The following PLSCR5 variants were observed in gnomAD, a reference collection of about 807,000 sequenced individuals.
The protein encoded by PLSCR5 is phospholipid scramblase family, member 5.
PLSCR5 carries 44 observed loss-of-function variants against 33.6 expected under a neutral mutation model. That is an observed-to-expected ratio of 1.31 (90% CI 1.03 to 1.69). PLSCR5 has a LOEUF of 1.69. PLSCR5 is among the 40% of genes most tolerant of loss of function. The pLI is 0.00. For synonymous variants in PLSCR5, 148 were observed against 112.3 expected (o/e 1.32, Z -2.01); for missense variants, 375 against 318.7 (o/e 1.18, Z -1.34).
At chr3:146,598,176 T>A (rs753357928) in intron 2 of PLSCR5, among the ~76,000 whole-genome samples, 12 of 152,190 alleles carry the variant, frequency 7.9e-5, no homozygotes, top group Non-Finnish European at 1.2e-4. Context: ...TTTAAATTTT[T>A]AAATTTAGAA....
intron 5 of PLSCR5, chr3:146,590,239 A>G (rs2044702653): frequency 6.6e-6 from 1 of 152,552 alleles, no homozygotes; most frequent in African/African-American, 2.4e-5. Context: ...AATATTTCAG[A>G]AGGAATTAAA....
At chr3:146,577,084 A>C (rs1156763129) in intron 7 of PLSCR5, among the ~76,000 whole-genome samples, 1 of 152,110 alleles carries the variant, frequency 6.6e-6, no homozygotes, top group Non-Finnish European at 1.5e-5. Flanking sequence ...ATATTTTTAA[A>C]AAATAGCTAT....
downstream of PLSCR5, among the ~76,000 whole-genome samples, chr3:146,581,566 A>G (rs774048370): frequency 6.6e-6 from 1 of 152,234 alleles, no homozygotes; most frequent in Non-Finnish European, 1.5e-5. Context: ...AGCCTAGTAC[A>G]TAGAAGTGGT....
In PLSCR5 at chr3:146,585,954, T is replaced by C; in HGVS notation, c.*45-12A>G. 1 of 1,089,642 alleles carries C rather than the reference T, an allele frequency of 9.2e-7. No individual in the cohort carries two copies. The highest frequency in any genetic ancestry group is 1.2e-6 in the Non-Finnish European group (1 of 806,672). 67.5% of individuals were successfully genotyped at this position (1,089,642 alleles called of 1,614,324 possible). ...AGCCCAAGGGATTTCTAGAAGAAAATGAAAAAGAGTTAGATAGCGTCAAAT... is the reference window on the plus strand; with the variant it reads ...AGCCCAAGGGATTTCTAGAAGAAAACGAAAAAGAGTTAGATAGCGTCAAAT... On this transcript the variant is annotated splice_polypyrimidine_tract_variant and intron_variant, in intron 7 of 7. Coordinates refer to ENST00000443512, the MANE Select transcript of PLSCR5 (RefSeq NM_001085420.2).
At chr3:146,605,031 C>T (rs1315747930) in intron 1 of PLSCR5, among the ~76,000 whole-genome samples, 169 bp downstream of exon 1, 1 of 152,052 alleles carries the variant, frequency 6.6e-6, no homozygotes, top group Non-Finnish European at 1.5e-5. Flanking sequence ...AGTGTTTTTA[C>T]ATGTAACTCA....
intron 7 of PLSCR5, among the ~76,000 whole-genome samples, chr3:146,578,248 G>A (rs974521986): frequency 2.6e-5 from 4 of 151,754 alleles, no homozygotes; most frequent in Non-Finnish European, 4.4e-5. Flanking sequence ...TTTTCTCAAA[G>A]GTATTTTTTC....
At chr3:146,590,830 GA>G (rs2044707180) in intron 5 of PLSCR5, among the ~76,000 whole-genome samples, 1 of 151,924 alleles carries the variant, frequency 6.6e-6, no homozygotes, top group African/African-American at 2.4e-5. Context: ...ATTTATGTAT[GA>G]ATGGATGAAA....
chr3:146,585,562 A>G (rs142701083), downstream of PLSCR5, among the ~76,000 whole-genome samples: 41 of 152,248 alleles, frequency 2.7e-4, no homozygotes, highest in African/African-American at 9.9e-4. Context: ...TAAGAAAATT[A>G]ATAAACAAAG....
chr3:146,592,348 T>C (rs958863960), intron 4 of PLSCR5, among the ~76,000 whole-genome samples: 1 of 152,148 alleles, frequency 6.6e-6, no homozygotes, highest in African/African-American at 2.4e-5. Context: ...AGATTATCTA[T>C]ATTTAATTAA....
chr3:146,585,530 A>G (rs1159358603), downstream of PLSCR5, among the ~76,000 whole-genome samples: 1 of 152,094 alleles, frequency 6.6e-6, no homozygotes, highest in Non-Finnish European at 1.5e-5. Flanking sequence ...TTCCAGTGTA[A>G]AGTAATAATA....
chr3:146,594,973 A>G (rs928280636), intron 3 of PLSCR5, 68 bp downstream of exon 3: 2 of 991,366 alleles, frequency 2.0e-6, no homozygotes, highest in African/African-American at 1.7e-5. Flanking sequence ...TTAGATGCAA[A>G]GAAACTTCTG....
Position 146,593,908 on chromosome 3 carries a change from C to A in PLSCR5, c.453+12G>T, listed in dbSNP as rs2044735457. 1.9e-6 allele frequency: 3 copies of A among 1,606,772 alleles called. No homozygotes were observed. The highest frequency in any genetic ancestry group is 1.3e-5 in the African/African-American group (1 of 74,870). ...TAAAAATCAAAAAGGACAACCAGAG[C>A]CAGTAACTAACCTCTTGTAGGTAGC... On this transcript the variant is annotated intron_variant, in intron 4 of 7. Transcript: ENST00000443512.
At chr3:146,603,754 ACT>A (rs1202364343) in intron 1 of PLSCR5, among the ~76,000 whole-genome samples, 1 of 152,018 alleles carries the variant, frequency 6.6e-6, no homozygotes, top group African/African-American at 2.4e-5. Flanking sequence ...TATTGCTGTA[ACT>A]CTTATTTTAT....
intron 1 of PLSCR5, among the ~76,000 whole-genome samples, chr3:146,601,271 C>A (rs114423584): frequency 6.6e-6 from 1 of 151,966 alleles, no homozygotes; most frequent in Non-Finnish European, 1.5e-5. Flanking sequence ...ATGCAAAAGT[C>A]GTTTTGTTTA....
At position 146,591,858 on chromosome 3, in the gene PLSCR5, A is replaced by G. The variant is rs1234815134; in HGVS notation, c.477T>C (p.Gly159=). ...LQELEIQAPP[G]TIVGYVTQKW... Reference sequence around the variant, plus strand: ...TCTGCGTAACGTAACCAACTATAGTACCAGGAGGGGCTTGGATTTCTAACT... The same window carrying G: ...TCTGCGTAACGTAACCAACTATAGTGCCAGGAGGGGCTTGGATTTCTAACT... The change falls in exon 5 of 8, where the codon GGT becomes GGC. Residue 159 remains glycine, a synonymous_variant. Transcript: ENST00000443512. 1 of 1,608,374 alleles carries G rather than the reference A, an allele frequency of 6.2e-7. No homozygotes were observed. Among genetic ancestry groups the G allele is most frequent in the African/African-American group, 1.3e-5 (1 of 74,892 alleles).
intron 7 of PLSCR5, among the ~76,000 whole-genome samples, chr3:146,576,915 A>C (rs976548944): frequency 3.9e-5 from 6 of 152,056 alleles, no homozygotes; most frequent in Admixed American, 6.6e-5. Context: ...AATTAAAAAT[A>C]AAAGTTATAC....
downstream of PLSCR5, among the ~76,000 whole-genome samples, chr3:146,583,151 T>A (rs919406365): frequency 5.9e-5 from 9 of 152,184 alleles, no homozygotes; most frequent in African/African-American, 2.2e-4. Context: ...CAAGTCAAAT[T>A]GCCATATCTT....
rs114423584 is a variant in PLSCR5, at chr3:146,601,271, C to T, written c.14-808G>A. 6.4e-3 allele frequency among the ~76,000 whole-genome samples: 968 copies of T among 152,082 alleles called. 7 individuals carry two copies. Among genetic ancestry groups the T allele is most frequent in the African/African-American group, 0.022 (926 of 41,546 alleles). On this transcript the variant is annotated intron_variant, in intron 1 of 7. Transcript: ENST00000443512. ...CTAATAAGGTGGTATATGCAAAAGT[C>T]GTTTTGTTTAAAAATATAAATGATA...
At chr3:146,591,573 C>T (rs2044714353) in intron 5 of PLSCR5, 147 bp downstream of exon 5, 1 of 881,876 alleles carries the variant, frequency 1.1e-6, no homozygotes, top group Non-Finnish European at 1.7e-6. Context: ...TTAGCATGTA[C>T]AATATGGGCT....
Sources: gnomAD v4.1 joint callset for allele counts (sites outside exome capture counted in the v4.1 genomes callset) on GRCh38, gnomAD v4.1.1 for gene constraint, MANE v1.5 for transcripts, NCBI Gene and HGNC (gene_info 2026-07-23, HGNC 2026-07-21) for gene names.